Variants in SEMA6D observed in about 807,000 individuals in gnomAD.
SEMA6D encodes semaphorin 6D.
In SEMA6D, 35 loss-of-function variants were observed where a neutral mutation model predicts 106.6. The ratio of observed to expected loss-of-function variants is 0.33; its 90% CI spans 0.25 to 0.44. The LOEUF (loss-of-function observed/expected upper bound fraction) is 0.44, where lower values mean the gene tolerates loss of function less well. Among genes scored for constraint, SEMA6D ranks in the 20% least tolerant of loss-of-function variants. The probability of loss-of-function intolerance (pLI) is 1.00; values close to 1 mark genes in which losing one functional copy is unlikely to be tolerated. For missense variants in SEMA6D, 1,185 were observed against 1,345.9 expected, an observed-to-expected ratio of 0.88 and a Z score of 1.87; for synonymous variants, 499 against 487.7, an observed-to-expected ratio of 1.02 and a Z score of -0.31.
intron 1 of SEMA6D, among the ~76,000 whole-genome samples, chr15:47,409,948 C>T (rs1025315355): frequency 1.3e-5 from 2 of 151,978 alleles, no homozygotes; most frequent in Non-Finnish European, 2.9e-5. Flanking sequence ...AAGCTCTATG[C>T]AACACTTTAT....
intron 3 of SEMA6D, among the ~76,000 whole-genome samples, chr15:47,499,642 A>G (rs1399612698): frequency 6.6e-6 from 1 of 152,100 alleles, no homozygotes; most frequent in Admixed American, 6.6e-5. Context: ...TATTTCTCAG[A>G]GTTATATTCC....
chr15:47,245,578 A>C (rs1214669072), intron 1 of SEMA6D, among the ~76,000 whole-genome samples: 1 of 152,222 alleles, frequency 6.6e-6, no homozygotes, highest in Non-Finnish European at 1.5e-5. Context: ...GATCTAGAGC[A>C]TCTGGATATC....
chr15:47,604,724 T>C (rs1224746216), intron 4 of SEMA6D, among the ~76,000 whole-genome samples: 4 of 152,154 alleles, frequency 2.6e-5, no homozygotes, highest in African/African-American at 9.7e-5. Flanking sequence ...TATAAGGAAT[T>C]ATTCACTGTA....
intron 1 of SEMA6D, among the ~76,000 whole-genome samples, chr15:47,401,763 A>G (rs2040408949): frequency 6.6e-6 from 1 of 152,168 alleles, no homozygotes; most frequent in Admixed American, 6.5e-5. Context: ...CACGTCCTAT[A>G]AAAATTGCAT....
intron 1 of SEMA6D, among the ~76,000 whole-genome samples, chr15:47,191,179 A>G (rs1486788767): frequency 2.8e-4 from 8 of 28,978 alleles, no homozygotes; most frequent in Admixed American, 1.9e-3. Flanking sequence ...GTCTCAAAAC[A>G]TATATATATA....
chr15:47,481,658 G>A (rs1013632306), intron 3 of SEMA6D, among the ~76,000 whole-genome samples: 5 of 152,258 alleles, frequency 3.3e-5, no homozygotes, highest in Middle Eastern at 3.4e-3. Context: ...CTATTACTGA[G>A]TATAACTGCA....
At chr15:47,371,552 A>T (rs1203276862) in intron 1 of SEMA6D, among the ~76,000 whole-genome samples, 2 of 152,192 alleles carry the variant, frequency 1.3e-5, no homozygotes, top group African/African-American at 4.8e-5. Flanking sequence ...GAAGGGTAGA[A>T]GGAAGACACT....
chr15:47,607,399 A>T (rs2076803874), intron 4 of SEMA6D, among the ~76,000 whole-genome samples: 1 of 152,232 alleles, frequency 6.6e-6, no homozygotes, highest in African/African-American at 2.4e-5. Context: ...GACTGTCTCC[A>T]GGTGACAAAG....
chr15:47,252,300 T>C (rs1450595030), intron 1 of SEMA6D, among the ~76,000 whole-genome samples: 1 of 152,216 alleles, frequency 6.6e-6, no homozygotes, highest in Non-Finnish European at 1.5e-5. Flanking sequence ...GTTTATGCTA[T>C]ATAGTATGAT....
At chr15:47,294,982 G>T (rs759830443) in intron 1 of SEMA6D, among the ~76,000 whole-genome samples, 1 of 152,176 alleles carries the variant, frequency 6.6e-6, no homozygotes. Context: ...GCCTCTGAAA[G>T]GAATCATTAA....
At chr15:47,240,118 T>C (rs2032814018) in intron 1 of SEMA6D, among the ~76,000 whole-genome samples, 1 of 152,150 alleles carries the variant, frequency 6.6e-6, no homozygotes, top group African/African-American at 2.4e-5. Flanking sequence ...GGCACACAAG[T>C]GGTCTTACCA....
intron 1 of SEMA6D, among the ~76,000 whole-genome samples, chr15:47,263,823 G>T (rs1030797261): frequency 6.6e-6 from 1 of 150,854 alleles, no homozygotes; most frequent in Non-Finnish European, 1.5e-5. Flanking sequence ...TGGGCATTAA[G>T]GTTGATGGGA....
intron 1 of SEMA6D, among the ~76,000 whole-genome samples, chr15:47,280,278 T>G (rs1030411952): frequency 1.6e-4 from 25 of 152,028 alleles, no homozygotes; most frequent in Admixed American, 1.2e-3. Flanking sequence ...GTAGAGGAAT[T>G]TATCCATTTC....
intron 4 of SEMA6D, among the ~76,000 whole-genome samples, chr15:47,661,623 T>G (rs1302625099): frequency 6.6e-6 from 1 of 152,120 alleles, no homozygotes; most frequent in Non-Finnish European, 1.5e-5. Context: ...TGTGGGAAAA[T>G]GGAGACTTTG....
At chr15:47,728,380 A>G (rs1214134925) in intron 1 of SEMA6D, among the ~76,000 whole-genome samples, 2 of 152,262 alleles carry the variant, frequency 1.3e-5, no homozygotes, top group Non-Finnish European at 2.9e-5. Flanking sequence ...TATTATAATC[A>G]GCCATATATA....
At chr15:47,651,542 C>T (rs1433637306) in intron 4 of SEMA6D, among the ~76,000 whole-genome samples, 2 of 152,144 alleles carry the variant, frequency 1.3e-5, no homozygotes, top group African/African-American at 2.4e-5. Context: ...CAGAGTTAAC[C>T]CATCCTTGCT....
intron 1 of SEMA6D, among the ~76,000 whole-genome samples, chr15:47,304,704 C>G (rs1250078407): frequency 6.6e-6 from 1 of 152,046 alleles, no homozygotes. Context: ...TAGAAAGTCT[C>G]TTGTTCTGAG....
chr15:47,367,716 AC>A (rs758651310), intron 1 of SEMA6D, among the ~76,000 whole-genome samples: 11,520 of 145,778 alleles, frequency 0.079, 563 homozygotes, highest in Middle Eastern at 0.21. Flanking sequence ...ACACACACAC[AC>A]ACACACACAC....
chr15:47,194,183 A>T (rs982048212), intron 1 of SEMA6D, among the ~76,000 whole-genome samples: 5 of 152,004 alleles, frequency 3.3e-5, no homozygotes, highest in African/African-American at 1.2e-4. Flanking sequence ...AAGATCATGG[A>T]ATTGTATTTC....
Sources: gnomAD v4.1 joint callset for allele counts (sites outside exome capture counted in the v4.1 genomes callset) on GRCh38, gnomAD v4.1.1 for gene constraint, MANE v1.5 for transcripts, NCBI Gene and HGNC (gene_info 2026-07-23, HGNC 2026-07-21) for gene names.